AJAP1: variants seen among roughly 807,000 people sequenced by gnomAD.
AJAP1 encodes adherens junctions associated protein 1, also known as adherens junction-associated protein 1.
A neutral mutation model predicts 35.0 loss-of-function variants in AJAP1; 5 were observed. The observed-to-expected ratio is 0.14, with a 90% confidence interval of 0.07 to 0.30. AJAP1 has a LOEUF of 0.30. AJAP1 is among the 10% of genes least tolerant of loss of function. The probability of loss-of-function intolerance (pLI) is 1.00; values close to 1 mark genes in which losing one functional copy is unlikely to be tolerated. For synonymous variants in AJAP1, 284 were observed against 249.3 expected (o/e 1.14, Z -1.31); for missense variants, 586 against 571.0 (o/e 1.03, Z -0.27).
chr1:4,769,651 G>A (rs527313585), intron 2 of AJAP1, among the ~76,000 whole-genome samples: 8 of 152,100 alleles, frequency 5.3e-5, no homozygotes, highest in South Asian at 2.1e-4. Flanking sequence ...CCTGGACCCC[G>A]GGTGAGAGCA....
intron 2 of AJAP1, among the ~76,000 whole-genome samples, chr1:4,757,025 G>C (rs1313540016): frequency 6.6e-6 from 1 of 152,166 alleles, no homozygotes; most frequent in Non-Finnish European, 1.5e-5. Flanking sequence ...CCTGGAATGA[G>C]ATGAGAGCCT....
Position 4,712,268 on chromosome 1 carries a change from C to T in AJAP1, c.398C>T (p.Ser133Leu), listed in dbSNP as rs754823601. The T allele has an allele frequency of 8.6e-6, 13 of 1,508,194 alleles. No homozygotes were observed. The highest frequency in any genetic ancestry group is 2.2e-5 in the Admixed American group (1 of 45,098). 93.4% of individuals were successfully genotyped at this position (1,508,194 alleles called of 1,614,324 possible). A position where few individuals can be genotyped will look rare whatever the true frequency, so the allele number is the denominator to read the frequency against. ...AAKSSPSLAS[S>L]SSSSSSAVAG... ...AAATCCAGCCCTTCCCTCGCCTCTT[C>T]GTCCTCGTCCTCGTCCTCCGCGGTG... Residue 133 changes from serine (S) to leucine (L), a missense_variant, in exon 2 of 6, where the codon TCG (serine) becomes TTG (leucine). Ser to Leu is a moderately radical substitution (Grantham distance 145). Transcript: ENST00000378191.
At chr1:4,708,188 G>C (rs149715096) in intron 1 of AJAP1, among the ~76,000 whole-genome samples, 1 of 151,852 alleles carries the variant, frequency 6.6e-6, no homozygotes, top group Non-Finnish European at 1.5e-5. Context: ...GGATGGTCTC[G>C]ATCCCTTGAC....
rs564188261 is a variant in AJAP1, at chr1:4,774,794, A to T, written c.*59+236A>T. On this transcript the variant is annotated intron_variant, in intron 5 of 5. Transcript: ENST00000378191. ...GGAGGATAGTAACAGACATTCATGC[A>T]CCCTGATTCCACGTCCTCACTATTC... is the stretch of plus-strand genomic sequence containing the variant. Among the ~76,000 whole-genome samples the T allele has an allele frequency of 8.6e-5, 13 of 151,960 alleles. No individual in the cohort carries two copies. The South Asian group carries it at 1.7e-3, about 19-fold the overall frequency.
chr1:4,741,328 T>G (rs575954158), intron 2 of AJAP1, among the ~76,000 whole-genome samples: 1 of 152,236 alleles, frequency 6.6e-6, no homozygotes, highest in South Asian at 2.1e-4. Context: ...GTGCAGGGTC[T>G]TGCTCCCTCT....
intron 2 of AJAP1, among the ~76,000 whole-genome samples, chr1:4,743,524 GTA>G: frequency 6.6e-6 from 1 of 152,148 alleles, no homozygotes; most frequent in Non-Finnish European, 1.5e-5. Context: ...GTGTTAATGC[GTA>G]TGTGTCCGCG....
chr1:4,681,168 T>C (rs1639473139), intron 1 of AJAP1, among the ~76,000 whole-genome samples: 1 of 152,210 alleles, frequency 6.6e-6, no homozygotes, highest in African/African-American at 2.4e-5. Context: ...TCAAGTGTTA[T>C]TTCAGACAGT....
chr1:4,681,109 T>G (rs1318723358), intron 1 of AJAP1, among the ~76,000 whole-genome samples: 1 of 152,202 alleles, frequency 6.6e-6, no homozygotes, highest in East Asian at 1.9e-4. Context: ...AGTTTTTAGA[T>G]TAAACAGCCA....
intron 4 of AJAP1, among the ~76,000 whole-genome samples, chr1:4,773,703 A>G (rs1052905898): frequency 6.6e-6 from 1 of 152,166 alleles, no homozygotes; most frequent in East Asian, 1.9e-4. Context: ...CAGATTTCCA[A>G]ACTGTTTCAC....
At chr1:4,671,528 A>G (rs4144452) in intron 1 of AJAP1, among the ~76,000 whole-genome samples, 110,355 of 151,756 alleles carry the variant, frequency 0.73, 40,856 homozygotes, top group Middle Eastern at 0.88. Flanking sequence ...CACAGGCCCC[A>G]GACAGCTCAG....
chr1:4,745,634 C>T (rs1438865891), intron 2 of AJAP1, among the ~76,000 whole-genome samples: 1 of 152,202 alleles, frequency 6.6e-6, no homozygotes, highest in East Asian at 1.9e-4. Flanking sequence ...CTTGGGACTG[C>T]CAGAGCACAG....
intron 1 of AJAP1, among the ~76,000 whole-genome samples, chr1:4,676,471 G>A (rs1570099971): frequency 6.6e-6 from 1 of 152,092 alleles, no homozygotes; most frequent in African/African-American, 2.4e-5. Context: ...CGTCCTGGGG[G>A]CCTGAAGCCA....
rs147479690 is a variant in AJAP1 at position 4,790,190 on chromosome 1, G to A, written c.*7705G>A. 26 of 152,342 alleles carry A rather than the reference G, an allele frequency of 1.7e-4. No individual in the cohort carries two copies. Among genetic ancestry groups the A allele is most frequent in the African/African-American group, 6.3e-4 (26 of 41,574 alleles). 9.4% of individuals were successfully genotyped at this position (152,342 alleles called of 1,614,324 possible). ...GGCTCTTGACAAGGTTTTCTATAGG[G>A]CAGCAGCTGCTGCTCCCAGGGGAAC... On this transcript the variant is annotated 3_prime_UTR_variant, in exon 6 of 6. Coordinates refer to ENST00000378191, the MANE Select transcript of AJAP1 (RefSeq NM_018836.4).
At chr1:4,659,930 C>T (rs938355917) in intron 1 of AJAP1, among the ~76,000 whole-genome samples, 1 of 152,220 alleles carries the variant, frequency 6.6e-6, no homozygotes, top group Non-Finnish European at 1.5e-5. Flanking sequence ...ATCACTACCC[C>T]TTCCCTAGAA....
rs1639797813 is a variant in AJAP1, at chr1:4,693,833, AC to A, written c.30-18066del. Reference sequence around the variant, plus strand: ...AAACGCGTCCTTTTATCAGGAACCCACTTGGGGGAGATAATGGCATTCAGCC... The same window carrying A: ...AAACGCGTCCTTTTATCAGGAACCCATTGGGGGAGATAATGGCATTCAGCC... On this transcript the variant is annotated intron_variant, in intron 1 of 5. Coordinates refer to ENST00000378191, the MANE Select transcript of AJAP1 (RefSeq NM_018836.4). This position sits in a 1 kb window ranked among gnomAD's most constrained non-coding sequence, Gnocchi z 4.4. Among the ~76,000 whole-genome samples, 1 of 152,144 alleles carries A rather than the reference AC, an allele frequency of 6.6e-6. No individual in the cohort carries two copies. The highest frequency in any genetic ancestry group is 1.5e-5 in the Non-Finnish European group (1 of 68,020).
At position 4,712,520 on chromosome 1, in the gene AJAP1, C is replaced by T; in HGVS notation, c.650C>T (p.Ala217Val). Residue 217 changes from alanine (A) to valine (V), a missense_variant, in exon 2 of 6, where the codon GCC (alanine) becomes GTC (valine). Physicochemically the swap from Ala to Val is moderately conservative, Grantham distance 64 (BLOSUM62 0). Coordinates refer to ENST00000378191, the MANE Select transcript of AJAP1 (RefSeq NM_018836.4). The part of the protein sequence containing the change: ...SILQTRKTTV[A>V]ATTTTTTTAT... The stretch of plus-strand genomic sequence containing the variant: ...CTACAAACACGGAAGACAACTGTGG[C>T]CGCCACCACCACCACCACCACCACG... The T allele has an allele frequency of 3.7e-6, 6 of 1,612,438 alleles. No homozygotes were observed. The highest frequency in any genetic ancestry group is 2.2e-5 in the South Asian group (2 of 90,810).
At chr1:4,709,952 T>G (rs1176323425) in intron 1 of AJAP1, among the ~76,000 whole-genome samples, 1 of 151,188 alleles carries the variant, frequency 6.6e-6, no homozygotes, top group Non-Finnish European at 1.5e-5. Context: ...TCTGGGAGAG[T>G]CAGCACCAGA....
chr1:4,694,127 G>A (rs763060212), intron 1 of AJAP1, among the ~76,000 whole-genome samples: 1 of 152,214 alleles, frequency 6.6e-6, no homozygotes, highest in Non-Finnish European at 1.5e-5. Flanking sequence ...GGGAGGGGCG[G>A]GGTGAGCCTC....
At chr1:4,771,948 G>A (rs756513439) in intron 3 of AJAP1, among the ~76,000 whole-genome samples, 7 of 152,150 alleles carry the variant, frequency 4.6e-5, no homozygotes, top group Admixed American at 1.3e-4. Flanking sequence ...CGAGGCGTTC[G>A]TGGGGAAACT....
Sources: allele counts gnomAD v4.1 joint callset (sites outside exome capture counted in the v4.1 genomes callset), GRCh38; gene constraint gnomAD v4.1.1; non-coding constraint Gnocchi (gnomAD v3.1); transcripts MANE v1.5; gene names NCBI Gene and HGNC (gene_info 2026-07-23, HGNC 2026-07-21).